GRIA4: variants seen among roughly 807,000 people sequenced by gnomAD.
GRIA4 encodes the protein glutamate receptor 4.
GRIA4 carries 34 observed loss-of-function variants against 104.0 expected under a neutral mutation model. The observed-to-expected ratio is 0.33, with a 90% CI of 0.25 to 0.44. The LOEUF (loss-of-function observed/expected upper bound fraction) is 0.44, where lower values mean the gene tolerates loss of function less well. Ranked by LOEUF, GRIA4 falls within the 20% of genes least tolerant of loss-of-function variation. GRIA4 has a pLI of 1.00. For missense variants in GRIA4, 750 were observed against 1,096.5 expected (o/e 0.68, Z 4.46); for synonymous variants, 386 against 381.9 (o/e 1.01, Z -0.13).
In GRIA4 at chr11:105,610,908, C is replaced by A; in HGVS notation, c.-90C>A. 2 of 472,450 alleles carry A rather than the reference C, an allele frequency of 4.2e-6. No individual in the cohort carries two copies. The highest frequency in any genetic ancestry group is 7.3e-6 in the Non-Finnish European group (2 of 274,066). 29.3% of individuals were successfully genotyped at this position (472,450 alleles called of 1,614,324 possible). On this transcript the variant is annotated splice_region_variant and 5_prime_UTR_variant, in exon 2 of 17. Transcript: ENST00000282499. The stretch of plus-strand genomic sequence containing the variant: ...TTTTTTTGGTTGATTTTAATTTTAG[C>A]GCCATCGTCTTCAATGCTTCTCTGA...
At chr11:105,920,189 T>A (rs1254485939) in intron 11 of GRIA4, among the ~76,000 whole-genome samples, 1 of 152,118 alleles carries the variant, frequency 6.6e-6, no homozygotes, top group Non-Finnish European at 1.5e-5. Context: ...AATTGCTGAC[T>A]GCTTAGGTGA....
chr11:105,963,933 C>T (rs1386565830), intron 14 of GRIA4, among the ~76,000 whole-genome samples: 1 of 152,032 alleles, frequency 6.6e-6, no homozygotes, highest in Non-Finnish European at 1.5e-5. Context: ...TGGAGTATTA[C>T]TTCATTTTTA....
At chr11:105,808,300 A>G (rs992319645) in intron 4 of GRIA4, among the ~76,000 whole-genome samples, 1 of 152,008 alleles carries the variant, frequency 6.6e-6, no homozygotes, top group East Asian at 1.9e-4. Context: ...GAGAGAGAAA[A>G]GAAAGATAAA....
chr11:105,689,786 C>A (rs1224054956), intron 3 of GRIA4, among the ~76,000 whole-genome samples: 2 of 152,190 alleles, frequency 1.3e-5, no homozygotes, highest in Non-Finnish European at 2.9e-5. Flanking sequence ...GCATGTAATA[C>A]AATGCCTCTG....
At chr11:105,727,639 GC>G (rs572638741) in intron 3 of GRIA4, among the ~76,000 whole-genome samples, 85 of 152,128 alleles carry the variant, frequency 5.6e-4, no homozygotes, top group African/African-American at 2.0e-3. Flanking sequence ...AAAGCAGGTC[GC>G]CCACAAAGGG....
intron 3 of GRIA4, among the ~76,000 whole-genome samples, chr11:105,715,839 G>A (rs1954072448): frequency 6.6e-6 from 1 of 152,032 alleles, no homozygotes. Context: ...CATGTCATCT[G>A]CCTTCGGCTA....
chr11:105,878,288 C>A (rs1234260982), intron 5 of GRIA4, among the ~76,000 whole-genome samples: 1 of 152,176 alleles, frequency 6.6e-6, no homozygotes, highest in Non-Finnish European at 1.5e-5. Context: ...CCTCTGGAAG[C>A]TTCATCCCAA....
At chr11:105,697,589 T>C (rs1232924215) in intron 3 of GRIA4, among the ~76,000 whole-genome samples, 1 of 152,146 alleles carries the variant, frequency 6.6e-6, no homozygotes, top group East Asian at 1.9e-4. Context: ...CCTTAGATGC[T>C]CCCTAACAAG....
intron 3 of GRIA4, among the ~76,000 whole-genome samples, chr11:105,643,812 AGGTTG>A (rs1191649276): frequency 6.6e-6 from 1 of 152,078 alleles, no homozygotes; most frequent in Non-Finnish European, 1.5e-5. Context: ...TCTGCCTCCC[AGGTTG>A]AAGCGATTCT....
intron 3 of GRIA4, among the ~76,000 whole-genome samples, chr11:105,670,790 C>A (rs895604107): frequency 6.6e-6 from 1 of 152,076 alleles, no homozygotes; most frequent in African/African-American, 2.4e-5. Context: ...GCTGCCATAA[C>A]AAATTACCAC....
intron 3 of GRIA4, among the ~76,000 whole-genome samples, chr11:105,676,458 G>A (rs1344437736): frequency 6.6e-6 from 1 of 151,454 alleles, no homozygotes; most frequent in Non-Finnish European, 1.5e-5. Context: ...ACATTTGAAG[G>A]ACTAGGAAAA....
chr11:105,884,851 C>A (rs1275286815), intron 5 of GRIA4, among the ~76,000 whole-genome samples: 1 of 152,106 alleles, frequency 6.6e-6, no homozygotes, highest in East Asian at 1.9e-4. Flanking sequence ...TTTACTGATT[C>A]CACATCTTTT....
At chr11:105,767,452 G>A (rs1241184178) in intron 4 of GRIA4, among the ~76,000 whole-genome samples, 1 of 152,090 alleles carries the variant, frequency 6.6e-6, no homozygotes, top group East Asian at 1.9e-4. Context: ...AGCATGTTTT[G>A]TTCTAAATTT....
At chr11:105,806,072 C>G (rs1169849241) in intron 4 of GRIA4, among the ~76,000 whole-genome samples, 2 of 151,724 alleles carry the variant, frequency 1.3e-5, no homozygotes, top group Non-Finnish European at 1.5e-5. Flanking sequence ...TCTCTTTAGA[C>G]CAGTAAGTGT....
intron 3 of GRIA4, among the ~76,000 whole-genome samples, chr11:105,716,196 T>C (rs1032857482): frequency 1.3e-4 from 20 of 152,154 alleles, no homozygotes; most frequent in African/African-American, 4.8e-4. Flanking sequence ...GGTTTTGGAA[T>C]GAATTGAAGG....
At chr11:105,874,111 G>A (rs990880855) in intron 5 of GRIA4, among the ~76,000 whole-genome samples, 8 of 152,010 alleles carry the variant, frequency 5.3e-5, no homozygotes, top group Non-Finnish European at 1.0e-4. Flanking sequence ...TACAAAAGGG[G>A]TCCAGTTTCA....
intron 3 of GRIA4, among the ~76,000 whole-genome samples, chr11:105,666,467 C>T (rs182514884): frequency 3.9e-5 from 6 of 151,956 alleles, no homozygotes; most frequent in Admixed American, 2.6e-4. Flanking sequence ...GATTGCCTGG[C>T]TTTAAGCAAG....
At chr11:105,705,166 AAGAG>A (rs1565478832) in intron 3 of GRIA4, among the ~76,000 whole-genome samples, 1 of 152,170 alleles carries the variant, frequency 6.6e-6, no homozygotes, top group Non-Finnish European at 1.5e-5. Context: ...TCACTGGGCA[AAGAG>A]AGACTTTTTA....
chr11:105,917,623 ATGT>A (rs967273442), intron 10 of GRIA4, among the ~76,000 whole-genome samples: 12 of 152,172 alleles, frequency 7.9e-5, no homozygotes, highest in Non-Finnish European at 1.3e-4. Flanking sequence ...TATCTCAATA[ATGT>A]TGTAGCCAAA....
Sources: allele counts gnomAD v4.1 joint callset (sites outside exome capture counted in the v4.1 genomes callset), GRCh38; gene constraint gnomAD v4.1.1; transcripts MANE v1.5; gene names NCBI Gene and HGNC (gene_info 2026-07-23, HGNC 2026-07-21).